The following NOXO1 variants were observed in gnomAD, a reference collection of about 807,000 sequenced individuals.
NOXO1 encodes NADPH oxidase regulatory protein.
NOXO1 carries 38 observed loss-of-function variants against 33.3 expected under a neutral mutation model. That is an observed-to-expected ratio of 1.14 (90% CI 0.88 to 1.50). The LOEUF (loss-of-function observed/expected upper bound fraction) is 1.50. Among genes scored for constraint, NOXO1 ranks in the 40% most tolerant of loss-of-function variants. The pLI is 0.00. For synonymous variants in NOXO1, 302 were observed against 237.3 expected (o/e 1.27, Z -2.51); for missense variants, 675 against 527.1 (o/e 1.28, Z -2.75).
rs1223114419 is a variant in NOXO1 at position 1,979,324 on chromosome 16, G to C, written c.844C>G (p.Pro282Ala). Reference sequence around the variant, plus strand: ...CCTTCCGGCCGCAGCAGCACCGCGGGGAGTAGGCCCGCCCGGTCGCCGTAC... The same window carrying C: ...CCTTCCGGCCGCAGCAGCACCGCGGCGAGTAGGCCCGCCCGGTCGCCGTAC... ...CRYGDRAGLL[P>A]AVLLRPEGLG... Residue 282 changes from proline to alanine, a missense_variant, in exon 8 of 8, where the codon CCC (proline) becomes GCC (alanine). Transcript: ENST00000356120. 4 of 1,574,868 alleles carry C rather than the reference G, an allele frequency of 2.5e-6. No homozygotes were observed. Among genetic ancestry groups the C allele is most frequent in the Admixed American group, 1.7e-5 (1 of 57,416 alleles).
At chr16:1,979,661 T>A in intron 6 of NOXO1, 119 bp from the exon 7 acceptor site, 1 of 1,200,584 alleles carries the variant, frequency 8.3e-7, no homozygotes. Context: ...TAAGACCGGT[T>A]CGGGGCTTCC....
intron 2 of NOXO1, 100 bp from the exon 3 acceptor site, chr16:1,980,831 A>G: frequency 6.8e-7 from 1 of 1,459,926 alleles, no homozygotes; most frequent in Admixed American, 1.9e-5. Flanking sequence ...GAGCTTCAGC[A>G]GGGACGAAGG....
Position 1,979,407 on chromosome 16 carries a change from A to T in NOXO1, c.818+18T>A, listed in dbSNP as rs1292643760. 2.5e-6 allele frequency: 4 copies of T among 1,603,094 alleles called. No homozygotes were observed. In the South Asian group the frequency reaches 4.4e-5, roughly 18 times the overall value. On this transcript the variant is annotated intron_variant, in intron 7 of 7. Coordinates refer to ENST00000356120, the MANE Select transcript of NOXO1 (RefSeq NM_172167.3). ...CCGCCTCGGCTAGCCTGCCCTGCCC[A>T]CGCCCGCTCCCGCGTACCTGCATAG... is the stretch of plus-strand genomic sequence containing the variant.
chr16:1,980,286 C>G, intron 4 of NOXO1, 81 bp downstream of exon 4: 1 of 1,519,266 alleles, frequency 6.6e-7, no homozygotes, highest in Non-Finnish European at 8.8e-7. Flanking sequence ...TGCCCCTATT[C>G]GCTGGCTGTT....
intron 5 of NOXO1, 41 bp from the exon 6 acceptor site, chr16:1,979,944 C>T (rs1286441165): frequency 3.2e-6 from 5 of 1,577,118 alleles, no homozygotes; most frequent in African/African-American, 1.3e-5. Flanking sequence ...TCTCGAGGCT[C>T]CCTCGGGTCC....
Position 1,979,539 on chromosome 16 carries a change from G to C in NOXO1, c.704C>G (p.Pro235Arg), listed in dbSNP as rs1329972183. ...GTAGGCGCGGGAAGCACAGAACTGG[G>C]GACCTGGTGGGAGTGGGTGTTTGGA... is the stretch of plus-strand genomic sequence containing the variant. ...EGGPSLGSSG[P>R]QFCASRAYES... The change falls in exon 7 of 8, where the codon CCC becomes CGC. Residue 235 changes from proline to arginine, a missense_variant. Transcript: ENST00000356120. 1.9e-6 allele frequency: 3 copies of C among 1,608,630 alleles called. No individual in the cohort carries two copies. Among genetic ancestry groups the C allele is most frequent in the Non-Finnish European group, 2.5e-6 (3 of 1,177,316 alleles).
chr16:1,981,423 G>A lies in NOXO1; in HGVS notation c.-244C>T. The A allele has an allele frequency of 1.0e-6, 1 of 959,520 alleles. No individual in the cohort carries two copies. The allele number at this position is 959,520 out of a possible 1,614,324, so 59.4% of individuals were successfully genotyped here. The stretch of plus-strand genomic sequence containing the variant: ...GGGGACTTCCAGGCAGAGCTGCTGG[G>A]AGGAAGAAGAAGAATGAGCTTTCCA... On this transcript the variant is annotated 5_prime_UTR_variant, in exon 1 of 8. Coordinates refer to ENST00000356120, the MANE Select transcript of NOXO1 (RefSeq NM_172167.3).
rs1367069201 is a variant in NOXO1 at position 1,980,180 on chromosome 16, G to A, written c.403C>T (p.Arg135Trp). Residue 135 changes from arginine to tryptophan, a missense_variant and splice_region_variant, in exon 5 of 8, where the codon CGG (arginine) becomes TGG (tryptophan). Transcript: ENST00000356120. ...TCCTCTGGGGTGGGCAGGATCACCC[G>A]GCTGGGAAGGGCAGCCCGTACGAGT... ...DLEPALPPGS[R>W]VILPTPEEQP... 1.9e-6 allele frequency: 3 copies of A among 1,596,378 alleles called. No homozygotes were observed. The highest frequency in any genetic ancestry group is 1.3e-5 in the African/African-American group (1 of 74,910).
rs577771307 is a variant in NOXO1, at chr16:1,979,484, C to T, written c.759G>A (p.Val253=). The change falls in exon 7 of 8, where the codon GTG becomes GTA. Residue 253 remains valine, a synonymous_variant. Coordinates refer to ENST00000356120, the MANE Select transcript of NOXO1 (RefSeq NM_172167.3). ...ACACGCGCACGCGCGCCCCCGCGGG[C>T]ACGGACAGCTCATCTGCGCGGCTGC... ...YESSRADELS[V]PAGARVRVLE... is the part of the protein sequence containing the mutation. The T allele has an allele frequency of 1.4e-5, 22 of 1,612,042 alleles. No individual in the cohort carries two copies. In the African/African-American group the frequency reaches 2.8e-4, roughly 21 times the overall value.
Position 1,979,185 on chromosome 16 carries a change from G to C in NOXO1, c.983C>G (p.Thr328Ser), listed in dbSNP as rs1185772524. ...QATAPPPTVP[T>S]RPSPGAIQSR... ...CTGGATGGCGCCCGGCGAAGGTCGG[G>C]TGGGCACGGTGGGGGGAGGGGCGGT... Residue 328 changes from threonine to serine, a missense_variant, in exon 8 of 8, where the codon ACC becomes AGC. Coordinates refer to ENST00000356120, the MANE Select transcript of NOXO1 (RefSeq NM_172167.3). 2.7e-6 allele frequency: 4 copies of C among 1,459,692 alleles called. No individual in the cohort carries two copies. The highest frequency in any genetic ancestry group is 5.3e-5 in the East Asian group (2 of 37,740). 90.4% of individuals were successfully genotyped at this position (1,459,692 alleles called of 1,614,324 possible).
Position 1,981,442 on chromosome 16 carries a change from C to G in NOXO1, c.-263G>C, listed in dbSNP as rs1048006528. On this transcript the variant is annotated 5_prime_UTR_variant, in exon 1 of 8. Transcript: ENST00000356120. ...TGCTGGGAGGAAGAAGAAGAATGAG[C>G]TTTCCAGCCCTGGAGGCGTGCAAGA... is the stretch of plus-strand genomic sequence containing the variant. The G allele has an allele frequency of 1.2e-6, 1 of 823,860 alleles. No homozygotes were observed. The highest frequency in any genetic ancestry group is 2.8e-5 in the East Asian group (1 of 35,112). 51.0% of individuals were successfully genotyped at this position (823,860 alleles called of 1,614,324 possible). A position where few individuals can be genotyped will look rare whatever the true frequency, so the allele number is the denominator to read the frequency against.
Position 1,979,913 on chromosome 16 carries a change from A to G in NOXO1, c.587-10T>C, listed in dbSNP as rs946213333. On this transcript the variant is annotated splice_polypyrimidine_tract_variant and intron_variant, in intron 5 of 7. Transcript: ENST00000356120. ...TCCACCAGCCACCAGCCTGTGCGCA[A>G]GAAGCGGGCAGGGACTCAAATCTCG... is the stretch of plus-strand genomic sequence containing the variant. 7.0e-6 allele frequency: 11 copies of G among 1,578,714 alleles called. No homozygotes were observed. The highest frequency in any genetic ancestry group is 8.6e-6 in the Non-Finnish European group (10 of 1,162,844).
At position 1,978,991 on chromosome 16, in the gene NOXO1, C is replaced by T; in HGVS notation, c.*61G>A. On this transcript the variant is annotated 3_prime_UTR_variant, in exon 8 of 8. Transcript: ENST00000356120. ...TCCCTGCTGGCCAGGGAGATCCGCCCTCCCCGCTCCTCCCCAGCCCTGGGA... is the reference window on the plus strand; with the variant it reads ...TCCCTGCTGGCCAGGGAGATCCGCCTTCCCCGCTCCTCCCCAGCCCTGGGA... 1.4e-6 allele frequency: 2 copies of T among 1,450,042 alleles called. No homozygotes were observed. The highest frequency in any genetic ancestry group is 9.2e-7 in the Non-Finnish European group (1 of 1,091,030). 89.8% of individuals were successfully genotyped at this position (1,450,042 alleles called of 1,614,324 possible). A position where few individuals can be genotyped will look rare whatever the true frequency, so the allele number is the denominator to read the frequency against.
rs2083446313 is a variant in NOXO1 at position 1,979,323 on chromosome 16, G to A, written c.845C>T (p.Pro282Leu). ...CCCTTCCGGCCGCAGCAGCACCGCG[G>A]GGAGTAGGCCCGCCCGGTCGCCGTA... ...CRYGDRAGLL[P>L]AVLLRPEGLG... Residue 282 changes from proline to leucine, a missense_variant, in exon 8 of 8, where the codon CCC becomes CTC. By Grantham distance (98) the Pro-to-Leu change is moderately conservative (BLOSUM62 -3). Transcript: ENST00000356120. 6.4e-7 allele frequency: 1 copy of A among 1,574,616 alleles called. No individual in the cohort carries two copies.
Position 1,980,705 on chromosome 16 carries a change from C to T in NOXO1, c.174G>A (p.Val58=), listed in dbSNP as rs371969585. 1 of 1,605,890 alleles carries T rather than the reference C, an allele frequency of 6.2e-7. No individual in the cohort carries two copies. The highest frequency in any genetic ancestry group is 1.3e-5 in the African/African-American group (1 of 74,882). ...CAGATCTCCGCAGCAGGCCCGCCTCCACCGGGAAGGTCTCCTTGAGGGTCT... is the reference window on the plus strand; with the variant it reads ...CAGATCTCCGCAGCAGGCCCGCCTCTACCGGGAAGGTCTCCTTGAGGGTCT... ...LKKTLKETFP[V]EAGLLRRSDR... is the part of the protein sequence containing the mutation. Residue 58 remains valine, a synonymous_variant, in exon 3 of 8, where the codon GTG becomes GTA. Transcript: ENST00000356120.
intron 4 of NOXO1, 55 bp downstream of exon 4, chr16:1,980,312 C>T: frequency 6.4e-7 from 1 of 1,561,102 alleles, no homozygotes; most frequent in Non-Finnish European, 8.6e-7. Flanking sequence ...CCACCCTGGA[C>T]CTCTCCCAGC....
chr16:1,981,122 T>C lies in NOXO1; in HGVS notation c.58A>G (p.Arg20Gly). The change falls in exon 1 of 8, where the codon AGG becomes GGG. Residue 20 changes from arginine to glycine, a missense_variant. By Grantham distance (125) the Arg-to-Gly change is moderately radical (BLOSUM62 -2). Transcript: ENST00000356120. Reference protein sequence around the residue: ...VQGAALVQIKRLQTFAFSVRW... With the variant: ...VQGAALVQIKGLQTFAFSVRW... ...ACCCAGCCAGGTCTTACTTGGAGCC[T>C]CTTGATCTGCACCAGGGCTGCCCCT... 1 of 1,613,422 alleles carries C rather than the reference T, an allele frequency of 6.2e-7. No individual in the cohort carries two copies. Among genetic ancestry groups the C allele is most frequent in the South Asian group, 1.1e-5 (1 of 91,082 alleles).
At chr16:1,979,373 G>C in intron 7 of NOXO1, 24 bp from the exon 8 acceptor site, 1 of 1,588,370 alleles carries the variant, frequency 6.3e-7, no homozygotes, top group East Asian at 2.3e-5. Context: ...GGTGTGGTTA[G>C]GGCCCCGCCC....
chr16:1,979,618 CCTTG>C, intron 6 of NOXO1, 76 bp from the exon 7 acceptor site: 1 of 1,398,438 alleles, frequency 7.2e-7, no homozygotes, highest in Admixed American at 1.8e-5. Flanking sequence ...TCCACATTCT[CCTTG>C]CTTGAGTCTG....
Sources: gnomAD v4.1 joint callset for allele counts on GRCh38, gnomAD v4.1.1 for gene constraint, MANE v1.5 for transcripts, NCBI Gene and HGNC (gene_info 2026-07-23, HGNC 2026-07-21) for gene names.